The following NPL variants were observed in gnomAD, a reference collection of about 807,000 sequenced individuals.
The protein encoded by NPL is N-acetylneuraminate lyase.
In NPL, 32 loss-of-function variants were observed where a neutral mutation model predicts 41.1. That is an observed-to-expected ratio of 0.78 (90% CI 0.59 to 1.05). The LOEUF is 1.05. NPL is among the 50% of genes least tolerant of loss of function. The pLI, the probability that NPL is intolerant of heterozygous loss-of-function variation, is 0.00. For missense variants in NPL, 321 were observed against 378.4 expected (o/e 0.85, Z 1.26); for synonymous variants, 128 against 134.9 (o/e 0.95, Z 0.35).
chr1:182,803,817 T>G (rs1387271095), intron 4 of NPL, 46 bp downstream of exon 4: 1 of 1,313,746 alleles, frequency 7.6e-7, no homozygotes, highest in South Asian at 1.2e-5. Flanking sequence ...AGCTCAGTCT[T>G]TAGAAGGTAT....
At chr1:182,824,849 A>G (rs975811478) in intron 11 of NPL, among the ~76,000 whole-genome samples, 1 of 152,198 alleles carries the variant, frequency 6.6e-6, no homozygotes, top group Non-Finnish European at 1.5e-5. Flanking sequence ...TCTTTTTTAA[A>G]AAATCAGTTT....
At chr1:182,800,435 C>CAA (rs1053733197) in intron 3 of NPL, among the ~76,000 whole-genome samples, 314 of 50,286 alleles carry the variant, frequency 6.2e-3, no homozygotes, top group Non-Finnish European at 0.012. Flanking sequence ...GACCCTGTCT[C>CAA]AAAAAAAAAA....
chr1:182,826,184 T>C, intron 12 of NPL: 2 of 307,328 alleles, frequency 6.5e-6, no homozygotes, highest in Non-Finnish European at 1.2e-5. Context: ...TTTTACTAAA[T>C]TGTGAATGAC....
chr1:182,823,326 T>G (rs1228331176), intron 11 of NPL, among the ~76,000 whole-genome samples: 1 of 152,144 alleles, frequency 6.6e-6, no homozygotes, highest in African/African-American at 2.4e-5. Context: ...TCCTGGGGGT[T>G]AAAGGAAGTG....
At position 182,829,687 on chromosome 1, in the gene NPL, G is replaced by C; in HGVS notation, c.*779G>C. Reference sequence around the variant, plus strand: ...TTCCCCTTCCTCCACTGAGAAGACTGTCTCTCCCGCAGGACCCTGAATTAT... The same window carrying C: ...TTCCCCTTCCTCCACTGAGAAGACTCTCTCTCCCGCAGGACCCTGAATTAT... On this transcript the variant is annotated 3_prime_UTR_variant, in exon 13 of 13. Transcript: ENST00000367553. The C allele has an allele frequency of 4.0e-6, 6 of 1,483,502 alleles. No individual in the cohort carries two copies. The East Asian group carries it at 7.4e-5, about 18-fold the overall frequency. The allele number at this position is 1,483,502 out of a possible 1,614,324, so 91.9% of individuals were successfully genotyped here. A position where few individuals can be genotyped will look rare whatever the true frequency, so the allele number is the denominator to read the frequency against.
chr1:182,816,006 T>C (rs1667318514), intron 7 of NPL, among the ~76,000 whole-genome samples: 1 of 152,240 alleles, frequency 6.6e-6, no homozygotes, highest in Admixed American at 6.5e-5. Flanking sequence ...TCAGAAATAT[T>C]ATCATAGACT....
rs144336552 is a variant in NPL at position 182,793,388 on chromosome 1, G to A, written c.-16-968G>A. 3.3e-5 allele frequency among the ~76,000 whole-genome samples: 5 copies of A among 152,246 alleles called. No homozygotes were observed. In the East Asian group the frequency reaches 5.8e-4, roughly 18 times the overall value. On this transcript the variant is annotated intron_variant, in intron 2 of 12. Coordinates refer to ENST00000367553, the MANE Select transcript of NPL (RefSeq NM_030769.3). ...AGAGATCCTTTGGCCCCAAATGAGT[G>A]GTGTGAGTTGGACTCTTCCAGCAGT...
chr1:182,827,162 A>G (rs1421364932), intron 12 of NPL: 1 of 152,204 alleles, frequency 6.6e-6, no homozygotes, highest in African/African-American at 2.4e-5. Flanking sequence ...TTCCCTCCCA[A>G]TGCTCAGTTT....
At chr1:182,791,443 T>G (rs903763782) in intron 1 of NPL, 2 of 152,124 alleles carry the variant, frequency 1.3e-5, no homozygotes, top group Non-Finnish European at 2.9e-5. Context: ...CCCAGGGAGC[T>G]GGTTCTTTAG....
At chr1:182,820,898 G>A (rs759294113) in intron 10 of NPL, among the ~76,000 whole-genome samples, 8 of 152,066 alleles carry the variant, frequency 5.3e-5, no homozygotes, top group African/African-American at 7.2e-5. Context: ...ACCTTTTTCC[G>A]CCTGGAAATT....
intron 7 of NPL, among the ~76,000 whole-genome samples, chr1:182,815,797 G>A (rs9803622): frequency 0.23 from 35,521 of 151,902 alleles, 7,407 homozygotes; most frequent in African/African-American, 0.56. Context: ...TATAGGGACA[G>A]GATGTTGGTA....
At chr1:182,803,052 T>G (rs1666897642) in intron 3 of NPL, among the ~76,000 whole-genome samples, 2 of 152,210 alleles carry the variant, frequency 1.3e-5, no homozygotes, top group Admixed American at 1.3e-4. Flanking sequence ...AGACTCCATG[T>G]TTGTCCCAAA....
At chr1:182,818,077 C>T (rs186241753) in intron 8 of NPL, among the ~76,000 whole-genome samples, 235 of 152,266 alleles carry the variant, frequency 1.5e-3, no homozygotes, top group African/African-American at 5.2e-3. Flanking sequence ...GTGATCTAGC[C>T]ATCAGTGAAC....
intron 6 of NPL, 37 bp from the exon 7 acceptor site, chr1:182,814,746 C>G (rs200554579): frequency 1.2e-4 from 192 of 1,550,482 alleles, no homozygotes; most frequent in South Asian, 3.6e-4. Context: ...TATAGTAAAT[C>G]ACTTGCTCCA....
At chr1:182,819,840 C>T (rs1667440952) in intron 10 of NPL, among the ~76,000 whole-genome samples, 2 of 152,104 alleles carry the variant, frequency 1.3e-5, no homozygotes, top group African/African-American at 4.8e-5. Context: ...GTAACAGAAA[C>T]CCATTTGAAC....
rs147985501 is a variant in NPL at position 182,807,509 on chromosome 1, C to G, written c.230+1277C>G. On this transcript the variant is annotated intron_variant, in intron 5 of 12. Transcript: ENST00000367553. The stretch of plus-strand genomic sequence containing the variant: ...TGAGTCATCAGCTTTCAGTTAATTT[C>G]GTGAGATCTAGGGTCCAAAAATATT... Among the ~76,000 whole-genome samples the G allele has an allele frequency of 8.6e-5, 13 of 151,922 alleles. No homozygotes were observed. The East Asian group carries it at 2.5e-3, about 29-fold the overall frequency.
chr1:182,810,661 G>A (rs1463182200), intron 5 of NPL, among the ~76,000 whole-genome samples: 3 of 151,110 alleles, frequency 2.0e-5, no homozygotes, highest in East Asian at 1.9e-4. Context: ...GCATTAAAAG[G>A]CTCTATTCTT....
intron 3 of NPL, among the ~76,000 whole-genome samples, chr1:182,801,393 G>A (rs889974149): frequency 2.0e-5 from 3 of 152,214 alleles, no homozygotes; most frequent in African/African-American, 7.2e-5. Context: ...AGAGGTGAGG[G>A]TAGGTCGAAG....
chr1:182,814,260 G>C (rs1667262456), intron 6 of NPL, among the ~76,000 whole-genome samples: 1 of 152,174 alleles, frequency 6.6e-6, no homozygotes, highest in African/African-American at 2.4e-5. Flanking sequence ...GTGTTATAAG[G>C]GTCCAGCAAG....
Sources: allele counts gnomAD v4.1 joint callset (sites outside exome capture counted in the v4.1 genomes callset), GRCh38; gene constraint gnomAD v4.1.1; transcripts MANE v1.5; gene names NCBI Gene and HGNC (gene_info 2026-07-23, HGNC 2026-07-21).